Variants in TGFB2 observed in about 807,000 individuals in gnomAD.
TGFB2 encodes the protein transforming growth factor beta 2.
TGFB2 carries 13 observed loss-of-function variants against 42.7 expected under a neutral mutation model. The ratio of observed to expected loss-of-function variants is 0.30; its 90% confidence interval spans 0.20 to 0.48. The LOEUF (loss-of-function observed/expected upper bound fraction) is 0.48, where lower values mean the gene tolerates loss of function less well. Among genes scored for constraint, TGFB2 ranks in the 20% least tolerant of loss-of-function variants. The probability of loss-of-function intolerance (pLI) is 0.99; values close to 1 mark genes in which losing one functional copy is unlikely to be tolerated. For missense variants in TGFB2, 390 were observed against 517.5 expected, an observed-to-expected ratio of 0.75 and a Z score of 2.39; for synonymous variants, 193 against 193.6, an observed-to-expected ratio of 1.00 and a Z score of 0.03.
At chr1:218,351,568 A>G (rs1656868138) in intron 1 of TGFB2, among the ~76,000 whole-genome samples, 1 of 152,160 alleles carries the variant, frequency 6.6e-6, no homozygotes. Flanking sequence ...TATACTATTT[A>G]TAACGAAAGC....
chr1:218,442,481 T>C lies in TGFB2; in HGVS notation c.*1119T>C, dbSNP rs1660186225. 1 of 152,188 alleles carries C rather than the reference T, an allele frequency of 6.6e-6. No homozygotes were observed. The highest frequency in any genetic ancestry group is 2.4e-5 in the African/African-American group (1 of 41,460). 9.4% of individuals were successfully genotyped at this position (152,188 alleles called of 1,614,324 possible). ...AATGTCAACTATGATTTAGATTGAC[T>C]TAAATTTGGGCTCTTTTTAATGATC... On this transcript the variant is annotated 3_prime_UTR_variant, in exon 7 of 7. Coordinates refer to ENST00000366930, the MANE Select transcript of TGFB2 (RefSeq NM_003238.6).
At chr1:218,437,854 T>G (rs980702287) in intron 6 of TGFB2, among the ~76,000 whole-genome samples, 4 of 152,212 alleles carry the variant, frequency 2.6e-5, no homozygotes, top group Admixed American at 2.0e-4. Context: ...ACAATTTTTA[T>G]TGATACATAA....
At chr1:218,420,543 GT>G (rs397972896) in intron 2 of TGFB2, among the ~76,000 whole-genome samples, 56 of 147,190 alleles carry the variant, frequency 3.8e-4, no homozygotes, top group South Asian at 1.5e-3. Flanking sequence ...CATCTGTAAA[GT>G]TTTTTTTTTT....
intron 1 of TGFB2, among the ~76,000 whole-genome samples, chr1:218,357,179 T>G (rs892759109): frequency 5.4e-5 from 8 of 147,208 alleles, no homozygotes; most frequent in African/African-American, 2.0e-4. Flanking sequence ...GCCACTGCAC[T>G]CCAGCCTGGG....
chr1:218,378,333 C>T (rs1422084683), intron 1 of TGFB2, among the ~76,000 whole-genome samples: 1 of 152,188 alleles, frequency 6.6e-6, no homozygotes, highest in Non-Finnish European at 1.5e-5. Flanking sequence ...CCCGCCACTG[C>T]GCCCAGGTAA....
intron 2 of TGFB2, among the ~76,000 whole-genome samples, chr1:218,409,450 T>C (rs1659024225): frequency 6.6e-6 from 1 of 152,226 alleles, no homozygotes; most frequent in African/African-American, 2.4e-5. Context: ...ATTTTTAGTA[T>C]GGTGTTCTCC....
intron 2 of TGFB2, among the ~76,000 whole-genome samples, chr1:218,431,963 T>C (rs10482791): frequency 0.097 from 14,833 of 152,244 alleles, 963 homozygotes; most frequent in African/African-American, 0.17. Context: ...ATGCCAACAT[T>C]CATTGTGTAT....
rs927289397 is a variant in TGFB2 at position 218,443,818 on chromosome 1, G to A, written c.*2456G>A. On this transcript the variant is annotated 3_prime_UTR_variant, in exon 7 of 7. Coordinates refer to ENST00000366930, the MANE Select transcript of TGFB2 (RefSeq NM_003238.6). ...CAAGGAAGGGGTGAAGTGCTAGTAT[G>A]CAAGTGGGCAGCAATTATTTTTGTG... is the stretch of plus-strand genomic sequence containing the variant. The A allele has an allele frequency of 6.6e-6, 1 of 151,654 alleles. No individual in the cohort carries two copies. The highest frequency in any genetic ancestry group is 1.5e-5 in the Non-Finnish European group (1 of 67,910). 9.4% of individuals were successfully genotyped at this position (151,654 alleles called of 1,614,324 possible).
chr1:218,360,776 A>G (rs936940067), intron 1 of TGFB2, among the ~76,000 whole-genome samples: 2 of 152,342 alleles, frequency 1.3e-5, no homozygotes, highest in East Asian at 3.9e-4. Flanking sequence ...CTTTTCGCAT[A>G]TATCCAAAGC....
chr1:218,416,186 G>C (rs1048888464), intron 2 of TGFB2, among the ~76,000 whole-genome samples: 2 of 152,120 alleles, frequency 1.3e-5, no homozygotes, highest in African/African-American at 4.8e-5. Flanking sequence ...GACTCCAATA[G>C]GGGTGTCTTT....
chr1:218,362,960 C>T (rs967211959), intron 1 of TGFB2, among the ~76,000 whole-genome samples: 3 of 152,196 alleles, frequency 2.0e-5, no homozygotes, highest in Admixed American at 6.5e-5. Context: ...TATTCTTAAT[C>T]GGTAGACTGT....
At chr1:218,356,501 G>A (rs1657039870) in intron 1 of TGFB2, among the ~76,000 whole-genome samples, 2 of 152,110 alleles carry the variant, frequency 1.3e-5, no homozygotes, top group Non-Finnish European at 2.9e-5. Context: ...TCACAGATGT[G>A]AGCCACCGCA....
rs180954055 is a variant in TGFB2 at position 218,435,181 on chromosome 1, C to T, written c.754+733C>T. Reference sequence around the variant, plus strand: ...AATGCCAGGCCAGAGAATTGATTTCCCTGCCCTCCTAACATCACCCAGGAC... The same window carrying T: ...AATGCCAGGCCAGAGAATTGATTTCTCTGCCCTCCTAACATCACCCAGGAC... On this transcript the variant is annotated intron_variant, in intron 4 of 6. Transcript: ENST00000366930. 7.2e-5 allele frequency among the ~76,000 whole-genome samples: 11 copies of T among 152,228 alleles called. No individual in the cohort carries two copies. In the East Asian group the frequency reaches 2.1e-3, roughly 29 times the overall value.
At chr1:218,412,187 T>C (rs568125912) in intron 2 of TGFB2, among the ~76,000 whole-genome samples, 6 of 152,328 alleles carry the variant, frequency 3.9e-5, no homozygotes, top group African/African-American at 1.4e-4. Context: ...TACATATAAG[T>C]GATATCTGTC....
chr1:218,363,580 A>T (rs10482742), intron 1 of TGFB2, among the ~76,000 whole-genome samples: 3 of 152,202 alleles, frequency 2.0e-5, no homozygotes, highest in Admixed American at 2.0e-4. Flanking sequence ...TTTTAGTAAG[A>T]GTTTACATGA....
chr1:218,364,220 A>G (rs1657312442), intron 1 of TGFB2, among the ~76,000 whole-genome samples: 1 of 152,160 alleles, frequency 6.6e-6, no homozygotes, highest in African/African-American at 2.4e-5. Context: ...TCAGGCCCTC[A>G]GCCAACTGGA....
At chr1:218,366,858 C>T (rs1341557317) in intron 1 of TGFB2, among the ~76,000 whole-genome samples, 1 of 152,228 alleles carries the variant, frequency 6.6e-6, no homozygotes, top group East Asian at 1.9e-4. Context: ...GGATTCAGAT[C>T]CAGTGGACTC....
In TGFB2 at chr1:218,441,563, A is replaced by AT. The variant is rs1660153161; in HGVS notation, c.*201_*202insT. 4.4e-6 allele frequency: 2 copies of AT among 454,960 alleles called. No homozygotes were observed. The highest frequency in any genetic ancestry group is 3.7e-6 in the Non-Finnish European group (1 of 269,998). 28.2% of individuals were successfully genotyped at this position (454,960 alleles called of 1,614,324 possible). A position where few individuals can be genotyped will look rare whatever the true frequency, so the allele number is the denominator to read the frequency against. On this transcript the variant is annotated 3_prime_UTR_variant, in exon 7 of 7. Transcript: ENST00000366930. Reference sequence around the variant, plus strand: ...TAAAACTGGCATCTGACACAAAAAAAGTTGAAGGCCTTATTCTACATTTCA... The same window carrying AT: ...TAAAACTGGCATCTGACACAAAAAAATGTTGAAGGCCTTATTCTACATTTCA...
chr1:218,429,747 G>A (rs917123394), intron 2 of TGFB2, among the ~76,000 whole-genome samples: 6 of 152,148 alleles, frequency 3.9e-5, no homozygotes, highest in Admixed American at 1.3e-4. Context: ...ACTGGCTTTC[G>A]GAGAAGAAAC....
Sources: gnomAD v4.1 joint callset for allele counts (sites outside exome capture counted in the v4.1 genomes callset) on GRCh38, gnomAD v4.1.1 for gene constraint, MANE v1.5 for transcripts, NCBI Gene and HGNC (gene_info 2026-07-23, HGNC 2026-07-21) for gene names.